The following GNAI1 variants were observed in gnomAD, a reference collection of about 807,000 sequenced individuals.
The protein encoded by GNAI1 is G protein subunit alpha i1, also known as guanine nucleotide-binding protein G(i) subunit alpha-1.
Under a neutral mutation model 38.9 loss-of-function variants are expected in GNAI1, and 11 were observed. That is an observed-to-expected ratio of 0.28 (90% CI 0.18 to 0.47). GNAI1 has a LOEUF of 0.47. Ranked by LOEUF, GNAI1 falls within the 20% of genes least tolerant of loss-of-function variation. GNAI1 has a pLI of 0.99. For synonymous variants in GNAI1, 166 were observed against 145.1 expected (o/e 1.14, Z -1.04); for missense variants, 317 against 436.9 (o/e 0.73, Z 2.45).
chr7:80,183,640 GAAAAA>G (rs946343947), intron 1 of GNAI1, among the ~76,000 whole-genome samples: 1 of 141,070 alleles, frequency 7.1e-6, no homozygotes, highest in Non-Finnish European at 1.6e-5. Context: ...TTCTTTGAAA[GAAAAA>G]AAAAAAGATA....
At chr7:80,144,951 C>G (rs1026359542) in intron 1 of GNAI1, among the ~76,000 whole-genome samples, 3 of 152,138 alleles carry the variant, frequency 2.0e-5, no homozygotes, top group Admixed American at 6.5e-5. Context: ...TAATGGTGGT[C>G]AGTAAAGTTG....
intron 1 of GNAI1, among the ~76,000 whole-genome samples, chr7:80,137,312 C>CTTT (rs1787435883): frequency 4.3e-4 from 29 of 66,944 alleles, no homozygotes; most frequent in East Asian, 1.9e-3. Flanking sequence ...TTTTTCTTTT[C>CTTT]TTTTCTTTTT....
chr7:80,217,244 T>TTTCAGATGTATGAAACTGA, intron 7 of GNAI1, 59 bp from the exon 8 acceptor site: 4 of 1,093,794 alleles, frequency 3.7e-6, no homozygotes, highest in Non-Finnish European at 3.9e-6. Flanking sequence ...CTGAATTCAG[T>TTTCAGATGTATGAAACTGA]ATTTTAAGCA....
Position 80,220,660 on chromosome 7 carries a change from G to A in GNAI1, c.*3167G>A, listed in dbSNP as rs1046207666. On this transcript the variant is annotated 3_prime_UTR_variant, in exon 8 of 8. Transcript: ENST00000649796. ...GCCTAATCTAGTTTAATCGAATTCA[G>A]TTTGTTACTGAAAAAGTACTGATTA... Among the ~76,000 whole-genome samples the A allele has an allele frequency of 2.0e-5, 3 of 152,084 alleles. No individual in the cohort carries two copies. The highest frequency in any genetic ancestry group is 2.9e-5 in the Non-Finnish European group (2 of 68,030).
At chr7:80,188,929 C>G (rs750124244) in intron 1 of GNAI1, 22 bp from the exon 2 acceptor site, 3 of 1,541,242 alleles carry the variant, frequency 1.9e-6, no homozygotes, top group East Asian at 2.3e-5. Flanking sequence ...AATTAGAAAC[C>G]TTTTATGTTT....
chr7:80,174,679 T>A (rs1322420362), intron 1 of GNAI1, among the ~76,000 whole-genome samples: 1 of 152,260 alleles, frequency 6.6e-6, no homozygotes, highest in South Asian at 2.1e-4. Context: ...TATATTTAAG[T>A]CTAGCCTGCT....
Position 80,221,646 on chromosome 7 carries a change from T to TC in GNAI1, c.*4153_*4154insC, listed in dbSNP as rs1562848682. On this transcript the variant is annotated 3_prime_UTR_variant, in exon 8 of 8. Transcript: ENST00000649796. ...TAGGTTGGAAATTTTCTTTTTTTTTTTTTTTTTTTTTTTTTGGTATGGAGT... is the reference window on the plus strand; with the variant it reads ...TAGGTTGGAAATTTTCTTTTTTTTTTCTTTTTTTTTTTTTTTGGTATGGAGT... Among the ~76,000 whole-genome samples, 5 of 134,296 alleles carry TC rather than the reference T, an allele frequency of 3.7e-5. No homozygotes were observed. In the East Asian group the frequency reaches 8.6e-4, roughly 23 times the overall value. 88.1% of individuals were successfully genotyped at this position (134,296 alleles called of 152,430 possible).
At chr7:80,184,960 C>G (rs1234199354) in intron 1 of GNAI1, among the ~76,000 whole-genome samples, 1 of 152,188 alleles carries the variant, frequency 6.6e-6, no homozygotes. Flanking sequence ...CCTTGACCAG[C>G]CAGGTTTCGT....
Position 80,206,230 on chromosome 7 carries a change from A to G in GNAI1, c.590+2398A>G, listed in dbSNP as rs189733433. Among the ~76,000 whole-genome samples the G allele has an allele frequency of 3.2e-3, 492 of 152,202 alleles. 4 individuals are homozygous for G. The highest frequency in any genetic ancestry group is 0.011 in the African/African-American group (466 of 41,582). On this transcript the variant is annotated intron_variant, in intron 5 of 7. Transcript: ENST00000649796. Reference sequence around the variant, plus strand: ...TTTCATGGCTACTTCTCTCCAAAAAACAAACATTGACCTGCTTTCTTAAAC... The same window carrying G: ...TTTCATGGCTACTTCTCTCCAAAAAGCAAACATTGACCTGCTTTCTTAAAC...
chr7:80,138,096 A>G (rs1365729039), intron 1 of GNAI1, among the ~76,000 whole-genome samples: 3 of 152,208 alleles, frequency 2.0e-5, no homozygotes, highest in African/African-American at 7.2e-5. Context: ...TTTACATTAG[A>G]TCGTGTTCAT....
chr7:80,156,931 G>T (rs1186566898), intron 1 of GNAI1, among the ~76,000 whole-genome samples: 5 of 152,156 alleles, frequency 3.3e-5, no homozygotes, highest in Non-Finnish European at 7.4e-5. Context: ...TAGTACATTT[G>T]TTAAAATGGA....
intron 1 of GNAI1, among the ~76,000 whole-genome samples, chr7:80,144,209 G>A (rs547119363): frequency 1.3e-5 from 2 of 151,160 alleles, no homozygotes; most frequent in Admixed American, 1.3e-4. Flanking sequence ...TTTAGAATTA[G>A]TGCAGTGGCT....
At chr7:80,216,167 G>GTACA (rs1584058275) in intron 7 of GNAI1, among the ~76,000 whole-genome samples, 2 of 151,862 alleles carry the variant, frequency 1.3e-5, no homozygotes, top group Non-Finnish European at 2.9e-5. Flanking sequence ...ATAATATTAT[G>GTACA]TACATACATA....
At chr7:80,147,091 A>T (rs1787636004) in intron 1 of GNAI1, among the ~76,000 whole-genome samples, 1 of 152,148 alleles carries the variant, frequency 6.6e-6, no homozygotes, top group South Asian at 2.1e-4. Context: ...GAGTGTTTTA[A>T]GTGGAGTTCT....
chr7:80,193,589 C>T (rs548474667), intron 3 of GNAI1, among the ~76,000 whole-genome samples: 1 of 152,144 alleles, frequency 6.6e-6, no homozygotes, highest in Admixed American at 6.5e-5. Flanking sequence ...ACAAAGGGGC[C>T]TATTCACCTG....
intron 1 of GNAI1, among the ~76,000 whole-genome samples, chr7:80,169,166 T>C (rs992089792): frequency 6.6e-6 from 1 of 152,226 alleles, no homozygotes; most frequent in Non-Finnish European, 1.5e-5. Context: ...TCTTGACAGA[T>C]GACAATTGTA....
At chr7:80,142,139 T>G (rs2116074201) in intron 1 of GNAI1, among the ~76,000 whole-genome samples, 2 of 152,356 alleles carry the variant, frequency 1.3e-5, no homozygotes, top group South Asian at 2.1e-4. Context: ...CTTTTTCTAT[T>G]ATGCTTCTCA....
At chr7:80,211,471 G>A (rs976544965) in intron 6 of GNAI1, among the ~76,000 whole-genome samples, 1 of 147,604 alleles carries the variant, frequency 6.8e-6, no homozygotes, top group Admixed American at 6.8e-5. Context: ...AGACTGGAGT[G>A]CAGTGGCACC....
At chr7:80,196,428 C>T (rs1788575760) in intron 3 of GNAI1, among the ~76,000 whole-genome samples, 1 of 151,988 alleles carries the variant, frequency 6.6e-6, no homozygotes, top group Admixed American at 6.6e-5. Flanking sequence ...CTGTATCACA[C>T]TATTTTGGTA....
Sources: gnomAD v4.1 joint callset for allele counts (sites outside exome capture counted in the v4.1 genomes callset) on GRCh38, gnomAD v4.1.1 for gene constraint, MANE v1.5 for transcripts, NCBI Gene and HGNC (gene_info 2026-07-23, HGNC 2026-07-21) for gene names.